The following USP9X variants were observed in gnomAD, a reference collection of about 807,000 sequenced individuals.
USP9X encodes the protein ubiquitin specific peptidase 9 X-linked, also known as ubiquitin carboxyl-terminal hydrolase 9X.
USP9X carries 7 observed loss-of-function variants against 190.3 expected under a neutral mutation model. The ratio of observed to expected loss-of-function variants is 0.04; its 90% CI spans 0.02 to 0.07. The LOEUF (loss-of-function observed/expected upper bound fraction) is 0.07, where lower values mean the gene tolerates loss of function less well. Among genes scored for constraint, USP9X ranks in the 10% least tolerant of loss-of-function variants. The pLI, the probability that USP9X is intolerant of heterozygous loss-of-function variation, is 1.00. For synonymous variants in USP9X, 645 were observed against 659.5 expected (o/e 0.98, Z 0.34); for missense variants, 1,010 against 1,916.9 (o/e 0.53, Z 8.83).
chrX:41,106,514 C>G (rs1051671874), intron 1 of USP9X, among the ~76,000 whole-genome samples: 9 of 90,156 alleles, frequency 1.0e-4, no homozygotes, highest in African/African-American at 2.9e-4. Context: ...AAGTATATTT[C>G]TGAATTAATT....
At chrX:41,148,221 C>T in intron 11 of USP9X, 148 bp from the exon 12 acceptor site, 10 of 545,461 alleles carry the variant, frequency 1.8e-5, no homozygotes, top group South Asian at 4.0e-5. Context: ...AAAAAAATAC[C>T]AGGCTAACTA....
At chrX:41,182,754 C>G (rs1384526951) in intron 21 of USP9X, among the ~76,000 whole-genome samples, 1 of 110,233 alleles carries the variant, frequency 9.1e-6, no homozygotes, top group Non-Finnish European at 1.9e-5. Flanking sequence ...GATGAATATT[C>G]AATGACACGA....
At chrX:41,171,669 C>A in intron 20 of USP9X, 169 bp from the exon 21 acceptor site, 1 of 571,993 alleles carries the variant, frequency 1.7e-6, no homozygotes, top group Non-Finnish European at 2.9e-6. Flanking sequence ...ATTTGATCTG[C>A]ACTATTAAGG....
chrX:41,196,800 G>T, intron 28 of USP9X, 62 bp downstream of exon 28: 2 of 944,916 alleles, frequency 2.1e-6, no homozygotes, highest in Non-Finnish European at 2.8e-6. Context: ...TTTTATTGAT[G>T]ATTTATATTT....
chrX:41,088,261 A>G (rs1255585556), intron 1 of USP9X, among the ~76,000 whole-genome samples: 2 of 112,189 alleles, frequency 1.8e-5, no homozygotes, highest in South Asian at 3.7e-4. Context: ...TGTTTTATCT[A>G]TGGAATGCTC....
At chrX:41,121,368 A>G (rs781184380) in intron 1 of USP9X, among the ~76,000 whole-genome samples, 1 of 110,644 alleles carries the variant, frequency 9.0e-6, no homozygotes, top group African/African-American at 3.3e-5. Context: ...CTTATTTTTG[A>G]CTCTGTAAAA....
intron 11 of USP9X, 150 bp downstream of exon 11, chrX:41,144,776 C>T (rs965821713): frequency 2.1e-5 from 9 of 433,987 alleles, no homozygotes; most frequent in African/African-American, 1.8e-4. Flanking sequence ...GTTTTCTTTT[C>T]CAACAAGAAC....
At chrX:41,174,273 T>G (rs2062754072) in intron 21 of USP9X, among the ~76,000 whole-genome samples, 1 of 111,980 alleles carries the variant, frequency 8.9e-6, no homozygotes, top group Non-Finnish European at 1.9e-5. Flanking sequence ...GTATACAAAT[T>G]CCACATCATT....
intron 41 of USP9X, among the ~76,000 whole-genome samples, chrX:41,226,467 A>T (rs972497764): frequency 8.9e-6 from 1 of 112,142 alleles, no homozygotes; most frequent in African/African-American, 3.2e-5. Context: ...TCTATGTCGC[A>T]GTTTGCCTCC....
intron 14 of USP9X, among the ~76,000 whole-genome samples, chrX:41,159,522 ATTCT>A (rs1032921822): frequency 2.7e-4 from 29 of 108,950 alleles, no homozygotes; most frequent in African/African-American, 8.9e-4. Context: ...ATATTGCATG[ATTCT>A]TTTTTTTTTT....
At chrX:41,126,106 A>G (rs1255354403) in intron 2 of USP9X, among the ~76,000 whole-genome samples, 1 of 111,964 alleles carries the variant, frequency 8.9e-6, no homozygotes, top group African/African-American at 3.2e-5. Context: ...TAGATATTCT[A>G]TCGTAAGTAG....
chrX:41,200,830 T>G (rs906054164), intron 30 of USP9X, among the ~76,000 whole-genome samples: 4 of 112,243 alleles, frequency 3.6e-5, no homozygotes, highest in African/African-American at 1.3e-4. Flanking sequence ...CAACATCATA[T>G]GAAACGGGTT....
At chrX:41,187,176 C>T (rs912946984) in intron 24 of USP9X, among the ~76,000 whole-genome samples, 5 of 112,169 alleles carry the variant, frequency 4.5e-5, no homozygotes, top group African/African-American at 9.7e-5. Flanking sequence ...ACCACTGCTG[C>T]GGTCGAAACC....
At chrX:41,094,269 T>A (rs1163273183) in intron 1 of USP9X, among the ~76,000 whole-genome samples, 1 of 108,641 alleles carries the variant, frequency 9.2e-6, no homozygotes, top group Non-Finnish European at 1.9e-5. Context: ...CTCCGCCTCC[T>A]GGGTTCAAGT....
intron 24 of USP9X, among the ~76,000 whole-genome samples, chrX:41,187,233 C>T (rs942848778): frequency 1.8e-5 from 2 of 112,293 alleles, no homozygotes; most frequent in African/African-American, 6.5e-5. Context: ...TATTCTTTCC[C>T]CAGGTAACTA....
At chrX:41,172,376 G>T (rs1461601280) in intron 21 of USP9X, among the ~76,000 whole-genome samples, 3 of 111,574 alleles carry the variant, frequency 2.7e-5, no homozygotes, top group Non-Finnish European at 3.8e-5. Context: ...CCTATACCTG[G>T]ACTATAATAT....
At chrX:41,190,054 A>G (rs1419607213) in intron 26 of USP9X, 2 of 111,811 alleles carry the variant, frequency 1.8e-5, no homozygotes, top group Non-Finnish European at 3.8e-5. Flanking sequence ...CGTATATGGT[A>G]ACTTTATTAA....
intron 38 of USP9X, among the ~76,000 whole-genome samples, chrX:41,220,536 CATTAATATTTCTACAGTAAAAT>C (rs968018667): frequency 8.9e-6 from 1 of 112,438 alleles, no homozygotes; most frequent in Admixed American, 9.4e-5. Flanking sequence ...CAATTGAACA[CATTAATATTTCTACAGTAAAAT>C]ATGAATATTT....
At chrX:41,184,886 A>G in intron 23 of USP9X, 1 of 356,247 alleles carries the variant, frequency 2.8e-6, no homozygotes, top group Non-Finnish European at 4.8e-6. Context: ...GCCCACTTAA[A>G]TCTTGCTTGA....
Sources: allele counts gnomAD v4.1 joint callset (sites outside exome capture counted in the v4.1 genomes callset), GRCh38; gene constraint gnomAD v4.1.1; transcripts MANE v1.5; gene names NCBI Gene and HGNC (gene_info 2026-07-23, HGNC 2026-07-21).